Variants in SPATA16 observed in about 807,000 individuals in gnomAD.
SPATA16 encodes the protein spermatogenesis associated 16, also known as spermatogenesis-associated protein 16.
A neutral mutation model predicts 63.3 loss-of-function variants in SPATA16; 36 were observed. That is an observed-to-expected ratio of 0.57 (90% CI 0.44 to 0.75). The LOEUF (loss-of-function observed/expected upper bound fraction) is 0.75, where lower values mean the gene tolerates loss of function less well. SPATA16 is among the 30% of genes least tolerant of loss of function. SPATA16 has a pLI of 0.00. For synonymous variants in SPATA16, 203 were observed against 216.7 expected, an observed-to-expected ratio of 0.94 and a Z score of 0.56; for missense variants, 646 against 679.3, an observed-to-expected ratio of 0.95 and a Z score of 0.54.
chr3:173,009,987 C>G (rs898356861), intron 4 of SPATA16, among the ~76,000 whole-genome samples: 4 of 152,216 alleles, frequency 2.6e-5, no homozygotes, highest in African/African-American at 9.6e-5. Context: ...GGGAACCACT[C>G]CAAGTGATGA....
chr3:172,889,547 T>G lies in SPATA16; in HGVS notation c.*23A>C. 6 of 1,613,272 alleles carry G rather than the reference T, an allele frequency of 3.7e-6. No individual in the cohort carries two copies. The South Asian group carries it at 5.5e-5, about 15-fold the overall frequency. The stretch of plus-strand genomic sequence containing the variant: ...TGCCTCTTCTTCTGGGATATCTTAG[T>G]GGTAGTGCCTGCTCCCTAATGACTA... On this transcript the variant is annotated 3_prime_UTR_variant, in exon 11 of 11. Coordinates refer to ENST00000351008, the MANE Select transcript of SPATA16 (RefSeq NM_031955.6).
chr3:173,087,976 T>A (rs1375396862), intron 2 of SPATA16, among the ~76,000 whole-genome samples: 1 of 151,990 alleles, frequency 6.6e-6, no homozygotes, highest in East Asian at 1.9e-4. Context: ...CAATTTGACC[T>A]TGGAGAATCT....
rs774019703 is a variant in SPATA16 at position 172,889,664 on chromosome 3, T to C, written c.1616A>G (p.Gln539Arg). ...KVGQIEDFLY[Q>R]LEDSFLKTKK... ...AGTTTTTAAGAAACTGTCCTCTAAT[T>C]GGTATAGAAAATCTTCAATTTGTCC... Residue 539 changes from glutamine (Q) to arginine (R), a missense_variant, in exon 11 of 11, where the codon CAA becomes CGA. By Grantham distance (43) the Gln-to-Arg change is conservative. Transcript: ENST00000351008. 6.2e-7 allele frequency: 1 copy of C among 1,613,562 alleles called. No individual in the cohort carries two copies. The highest frequency in any genetic ancestry group is 8.5e-7 in the Non-Finnish European group (1 of 1,179,820).
At chr3:172,994,036 G>A (rs556521773) in intron 4 of SPATA16, among the ~76,000 whole-genome samples, 3 of 152,246 alleles carry the variant, frequency 2.0e-5, no homozygotes, top group South Asian at 4.1e-4. Flanking sequence ...CAGAGTCTGG[G>A]TCACATCATT....
intron 10 of SPATA16, among the ~76,000 whole-genome samples, chr3:172,903,678 A>C (rs1732173757): frequency 6.6e-6 from 1 of 152,248 alleles, no homozygotes; most frequent in Non-Finnish European, 1.5e-5. Flanking sequence ...GAAGTTCTGA[A>C]GTTGCAGAAA....
At chr3:173,089,444 G>A (rs933238456) in intron 2 of SPATA16, among the ~76,000 whole-genome samples, 17 of 152,202 alleles carry the variant, frequency 1.1e-4, no homozygotes, top group African/African-American at 3.6e-4. Context: ...ACTGGGAAGC[G>A]GATGAGGCAG....
chr3:172,892,647 T>C (rs918493389), intron 10 of SPATA16, among the ~76,000 whole-genome samples: 18 of 152,352 alleles, frequency 1.2e-4, no homozygotes, highest in African/African-American at 3.6e-4. Flanking sequence ...AGAAAAATGC[T>C]GGTTAAAGAG....
At chr3:172,953,231 A>G (rs1253033467) in intron 6 of SPATA16, among the ~76,000 whole-genome samples, 1 of 152,154 alleles carries the variant, frequency 6.6e-6, no homozygotes, top group Admixed American at 6.6e-5. Flanking sequence ...GTGTAAATAA[A>G]TGTTCGCTGA....
At chr3:173,089,721 CACTGA>C (rs1393855251) in intron 2 of SPATA16, among the ~76,000 whole-genome samples, 2 of 152,032 alleles carry the variant, frequency 1.3e-5, no homozygotes, top group Non-Finnish European at 1.5e-5. Context: ...GTGAGAAAAG[CACTGA>C]ATTGGAAATA....
In SPATA16 at chr3:172,924,117, C is replaced by T. The variant is rs911045073; in HGVS notation, c.1338+91G>A. On this transcript the variant is annotated intron_variant, in intron 8 of 10. Transcript: ENST00000351008. ...TATGAACGTTTCCAAAATCCCCTAA[C>T]ACTTGCACTATTTGCCATGTAAGCC... is the stretch of plus-strand genomic sequence containing the variant. 26 of 1,070,866 alleles carry T rather than the reference C, an allele frequency of 2.4e-5. No individual in the cohort carries two copies. In the African/African-American group the frequency reaches 3.8e-4, roughly 16 times the overall value. 66.3% of individuals were successfully genotyped at this position (1,070,866 alleles called of 1,614,324 possible).
At chr3:173,138,831 G>A (rs1015566789) in intron 1 of SPATA16, among the ~76,000 whole-genome samples, 7 of 152,276 alleles carry the variant, frequency 4.6e-5, no homozygotes, top group East Asian at 1.9e-4. Flanking sequence ...TGCCTAAATC[G>A]TGAAATATTG....
At chr3:173,010,831 G>GTT (rs1169092447) in intron 4 of SPATA16, among the ~76,000 whole-genome samples, 1 of 152,052 alleles carries the variant, frequency 6.6e-6, no homozygotes, top group East Asian at 1.9e-4. Flanking sequence ...TCACCTGAGA[G>GTT]TTCAGCCAGT....
At chr3:173,060,509 G>A (rs1736351748) in intron 2 of SPATA16, among the ~76,000 whole-genome samples, 3 of 152,044 alleles carry the variant, frequency 2.0e-5, no homozygotes, top group Admixed American at 2.0e-4. Flanking sequence ...TTGTAAATGT[G>A]GAGGATAAGC....
At chr3:172,974,216 C>G (rs1032328745) in intron 5 of SPATA16, among the ~76,000 whole-genome samples, 2 of 152,006 alleles carry the variant, frequency 1.3e-5, no homozygotes, top group African/African-American at 4.8e-5. Context: ...CTGAAATTTT[C>G]CATTTCCTGT....
chr3:173,057,253 A>G (rs1290299953), intron 2 of SPATA16, among the ~76,000 whole-genome samples: 3 of 151,786 alleles, frequency 2.0e-5, no homozygotes, highest in South Asian at 4.2e-4. Context: ...CTGGGACTAC[A>G]GGTGCCCGCC....
intron 2 of SPATA16, among the ~76,000 whole-genome samples, chr3:173,051,449 A>G (rs778807437): frequency 1.1e-4 from 16 of 152,042 alleles, no homozygotes; most frequent in Admixed American, 2.0e-4. Context: ...TGATCCACCC[A>G]CCTTGGCCTC....
chr3:173,005,949 C>T (rs935198406), intron 4 of SPATA16, among the ~76,000 whole-genome samples: 2 of 152,084 alleles, frequency 1.3e-5, no homozygotes, highest in South Asian at 4.1e-4. Context: ...GTTTAAAATT[C>T]TGTAATTTTA....
chr3:173,007,853 C>T (rs1376884389), intron 4 of SPATA16, among the ~76,000 whole-genome samples: 3 of 151,072 alleles, frequency 2.0e-5, no homozygotes, highest in East Asian at 1.9e-4. Context: ...TGGGAAGGAT[C>T]GCTCTTAGTG....
chr3:173,017,137 G>A lies in SPATA16; in HGVS notation c.848+2349C>T, dbSNP rs1345377442. On this transcript the variant is annotated intron_variant, in intron 4 of 10. Coordinates refer to ENST00000351008, the MANE Select transcript of SPATA16 (RefSeq NM_031955.6). ...TAGCATCCTTTCTCTTGGGGGGAAT[G>A]ACCTTATACTGTATATTGAAGGCTA... is the stretch of plus-strand genomic sequence containing the variant. 2.0e-5 allele frequency among the ~76,000 whole-genome samples: 3 copies of A among 152,102 alleles called. No homozygotes were observed. In the East Asian group the frequency reaches 5.8e-4, roughly 29 times the overall value.
Sources: allele counts gnomAD v4.1 joint callset (sites outside exome capture counted in the v4.1 genomes callset), GRCh38; gene constraint gnomAD v4.1.1; transcripts MANE v1.5; gene names NCBI Gene and HGNC (gene_info 2026-07-23, HGNC 2026-07-21).